UMAD1: variants seen among roughly 807,000 people sequenced by gnomAD.
UMAD1 encodes UBAP1-MVB12-associated (UMA) domain containing 1.
In UMAD1, 8 loss-of-function variants were observed where a neutral mutation model predicts 6.1. The observed-to-expected ratio is 1.30, with a 90% CI of 0.76 to 2.35. The LOEUF (loss-of-function observed/expected upper bound fraction) is 2.35. Ranked by LOEUF, UMAD1 falls within the 30% of genes most tolerant of loss-of-function variation. The pLI is 0.00. For synonymous variants in UMAD1, 56 were observed against 31.4 expected (o/e 1.78, Z -2.61); for missense variants, 130 against 78.4 (o/e 1.66, Z -2.49).
chr7:7,834,021 T>C (rs940491597), intron 3 of UMAD1, among the ~76,000 whole-genome samples: 72 of 104,610 alleles, frequency 6.9e-4, no homozygotes, highest in Non-Finnish European at 9.5e-4. Context: ...CTTTTCTTTT[T>C]TTTTTTTTTT....
At chr7:7,835,020 A>T (rs919991214) in intron 3 of UMAD1, among the ~76,000 whole-genome samples, 7 of 152,206 alleles carry the variant, frequency 4.6e-5, no homozygotes, top group African/African-American at 9.6e-5. Context: ...CAAGAACAGC[A>T]TGGGGGAGAC....
At chr7:7,807,513 C>T (rs752022996) in intron 3 of UMAD1, among the ~76,000 whole-genome samples, 5 of 152,020 alleles carry the variant, frequency 3.3e-5, no homozygotes, top group Non-Finnish European at 7.4e-5. Flanking sequence ...TGATATTTTT[C>T]ATTACACGTC....
At chr7:7,829,821 G>A (rs1783425750) in intron 3 of UMAD1, among the ~76,000 whole-genome samples, 1 of 152,100 alleles carries the variant, frequency 6.6e-6, no homozygotes. Flanking sequence ...TGGTCACATA[G>A]GATTAAGAGG....
chr7:7,766,341 T>G (rs1781985285), intron 2 of UMAD1, among the ~76,000 whole-genome samples: 1 of 152,222 alleles, frequency 6.6e-6, no homozygotes, highest in South Asian at 2.1e-4. Flanking sequence ...AAACTTCTAC[T>G]GTTTAAAATT....
intron 1 of UMAD1, among the ~76,000 whole-genome samples, chr7:7,671,531 A>G (rs944727121): frequency 9.9e-5 from 15 of 152,176 alleles, no homozygotes; most frequent in African/African-American, 3.6e-4. Context: ...TTTGTTTTTA[A>G]CTGTTCGAGG....
intron 1 of UMAD1, among the ~76,000 whole-genome samples, chr7:7,653,546 T>C (rs1785274016): frequency 6.6e-6 from 1 of 152,250 alleles, no homozygotes; most frequent in Admixed American, 6.5e-5. Flanking sequence ...CTGACTGAAG[T>C]GCATCACGCA....
In UMAD1 at chr7:7,878,103, C is replaced by T. The variant is rs1173174749; in HGVS notation, c.*565C>T. 10 of 153,240 alleles carry T rather than the reference C, an allele frequency of 6.5e-5. No homozygotes were observed. Among genetic ancestry groups the T allele is most frequent in the African/African-American group, 1.9e-4 (8 of 41,458 alleles). 9.5% of individuals were successfully genotyped at this position (153,240 alleles called of 1,614,324 possible). Reference sequence around the variant, plus strand: ...TGCTGATACAAGGATGCTAGACCTGCTCTGCGTGCTCTTTCTGGAGTGGCC... The same window carrying T: ...TGCTGATACAAGGATGCTAGACCTGTTCTGCGTGCTCTTTCTGGAGTGGCC... On this transcript the variant is annotated 3_prime_UTR_variant, in exon 4 of 4. Transcript: ENST00000682710.
Position 7,762,830 on chromosome 7 carries a change from G to T in UMAD1, c.83-38840G>T, listed in dbSNP as rs180889095. 3.5e-3 allele frequency among the ~76,000 whole-genome samples: 540 copies of T among 152,162 alleles called. 9 individuals carry two copies. Among genetic ancestry groups the T allele is most frequent in the Non-Finnish European group, 2.9e-3 (198 of 68,002 alleles). ...GGATTAGAATTTGTTTTCGTCGAAG[G>T]CTTCATGAGTTGAAAGCACATTACA... On this transcript the variant is annotated intron_variant, in intron 2 of 3. Transcript: ENST00000682710.
intron 3 of UMAD1, among the ~76,000 whole-genome samples, chr7:7,854,267 A>G (rs1361030154): frequency 1.4e-5 from 2 of 138,044 alleles, no homozygotes; most frequent in Non-Finnish European, 3.1e-5. Context: ...AGTCAGGAGA[A>G]TTGCTTTAAC....
chr7:7,841,580 A>G (rs1783682406), intron 3 of UMAD1, among the ~76,000 whole-genome samples: 1 of 152,316 alleles, frequency 6.6e-6, no homozygotes, highest in Admixed American at 6.5e-5. Flanking sequence ...CTAGGATTAC[A>G]GGTGTGAACC....
chr7:7,805,616 C>G (rs1782897354), intron 3 of UMAD1, among the ~76,000 whole-genome samples: 1 of 152,164 alleles, frequency 6.6e-6, no homozygotes. Flanking sequence ...AAATGCTAAG[C>G]TCCTTGCAGT....
intron 2 of UMAD1, among the ~76,000 whole-genome samples, chr7:7,756,463 A>C (rs1272445217): frequency 6.6e-6 from 1 of 152,190 alleles, no homozygotes; most frequent in East Asian, 1.9e-4. Flanking sequence ...CACTTTGGGC[A>C]TATCTTGATT....
intron 2 of UMAD1, among the ~76,000 whole-genome samples, chr7:7,714,352 T>C (rs1240785119): frequency 6.6e-6 from 1 of 152,248 alleles, no homozygotes; most frequent in Non-Finnish European, 1.5e-5. Context: ...TGCTGAAGTG[T>C]CAAGCTGTTT....
At chr7:7,758,314 C>G (rs1276983204) in intron 2 of UMAD1, among the ~76,000 whole-genome samples, 1 of 152,030 alleles carries the variant, frequency 6.6e-6, no homozygotes, top group South Asian at 2.1e-4. Flanking sequence ...TGAATCATTC[C>G]CTATGTAGAC....
At chr7:7,876,054 A>G (rs1784412723) in intron 3 of UMAD1, among the ~76,000 whole-genome samples, 3 of 152,226 alleles carry the variant, frequency 2.0e-5, no homozygotes, top group Admixed American at 6.5e-5. Flanking sequence ...CTCTGTCTCA[A>G]AAAAATAACA....
intron 1 of UMAD1, among the ~76,000 whole-genome samples, chr7:7,648,501 G>C (rs142584189): frequency 3.3e-5 from 5 of 152,108 alleles, no homozygotes; most frequent in African/African-American, 1.2e-4. Context: ...ATTATGATTT[G>C]TCTTAGTCTA....
intron 3 of UMAD1, among the ~76,000 whole-genome samples, chr7:7,854,590 C>T (rs961131910): frequency 6.6e-6 from 1 of 152,080 alleles, no homozygotes; most frequent in Non-Finnish European, 1.5e-5. Context: ...GATTCAATTA[C>T]CTCCCACTGT....
In UMAD1 at chr7:7,712,682, C is replaced by T. The variant is rs114331207; in HGVS notation, c.82+39229C>T. 1.9e-3 allele frequency among the ~76,000 whole-genome samples: 287 copies of T among 152,198 alleles called. 3 individuals are homozygous for T. The highest frequency in any genetic ancestry group is 6.7e-3 in the African/African-American group (280 of 41,498). The stretch of plus-strand genomic sequence containing the variant: ...GGTTTCATTTTATCTTTTGGTCTTA[C>T]TGCATGGTCTAGGACCTCTAGTATG... On this transcript the variant is annotated intron_variant, in intron 2 of 3. Coordinates refer to ENST00000682710, the MANE Select transcript of UMAD1 (RefSeq NM_001302348.2).
intron 2 of UMAD1, among the ~76,000 whole-genome samples, chr7:7,677,614 TCCATTG>T (rs927834219): frequency 6.6e-6 from 1 of 152,052 alleles, no homozygotes; most frequent in Admixed American, 6.6e-5. Context: ...TAAATAGTAT[TCCATTG>T]TGTATATGTA....
Sources: gnomAD v4.1 joint callset for allele counts (sites outside exome capture counted in the v4.1 genomes callset) on GRCh38, gnomAD v4.1.1 for gene constraint, MANE v1.5 for transcripts, NCBI Gene and HGNC (gene_info 2026-07-23, HGNC 2026-07-21) for gene names.